UGGT1: variants seen among roughly 807,000 people sequenced by gnomAD.
The protein encoded by UGGT1 is UDP-glucose glycoprotein glucosyltransferase 1.
UGGT1 carries 107 observed loss-of-function variants against 203.9 expected under a neutral mutation model. That is an observed-to-expected ratio of 0.52 (90% CI 0.45 to 0.62). The LOEUF is 0.62. Ranked by LOEUF, UGGT1 falls within the 20% of genes least tolerant of loss-of-function variation. The pLI is 0.00. For synonymous variants in UGGT1, 628 were observed against 653.5 expected (o/e 0.96, Z 0.59); for missense variants, 1,673 against 1,867.2 (o/e 0.90, Z 1.92).
chr2:128,166,698 T>C (rs1222742487), intron 26 of UGGT1, among the ~76,000 whole-genome samples: 2 of 152,224 alleles, frequency 1.3e-5, no homozygotes, highest in Non-Finnish European at 2.9e-5. Context: ...TCTGAGTTGC[T>C]TCCTCATGAT....
At chr2:128,108,311 G>A (rs1400225386) in intron 4 of UGGT1, among the ~76,000 whole-genome samples, 1 of 152,128 alleles carries the variant, frequency 6.6e-6, no homozygotes, top group Non-Finnish European at 1.5e-5. Flanking sequence ...TTTATGCATT[G>A]CAGCCTGGGA....
rs767571617 is a variant in UGGT1, at chr2:128,115,204, T to C, written c.777T>C (p.Asp259=). The C allele has an allele frequency of 6.2e-7, 1 of 1,613,838 alleles. No homozygotes were observed. Among genetic ancestry groups the C allele is most frequent in the East Asian group, 2.2e-5 (1 of 44,878 alleles). The change falls in exon 7 of 41, where the codon GAT becomes GAC. Residue 259 remains aspartate, a synonymous_variant. Transcript: ENST00000259253. ...AGAGCACTGAGTACAAGGCCAAGGA[T>C]GATACTCAGGTGAAAGGTGAATTTG... ...AIKSTEYKAK[D]DTQVKGTEVN... is the part of the protein sequence containing the mutation.
At chr2:128,111,378 C>T (rs1687842113) in intron 5 of UGGT1, among the ~76,000 whole-genome samples, 1 of 152,078 alleles carries the variant, frequency 6.6e-6, no homozygotes, top group South Asian at 2.1e-4. Context: ...GAAACAAAAA[C>T]GTCCATTAGG....
In UGGT1 at chr2:128,123,232, G is replaced by C; in HGVS notation, c.1120G>C (p.Glu374Gln). 1 of 1,613,404 alleles carries C rather than the reference G, an allele frequency of 6.2e-7. No individual in the cohort carries two copies. Among genetic ancestry groups the C allele is most frequent in the Non-Finnish European group, 8.5e-7 (1 of 1,179,568 alleles). Residue 374 changes from glutamate (E) to glutamine (Q), a missense_variant, in exon 11 of 41, where the codon GAA becomes CAA. Around this residue, in one of 4 missense-constraint regions of UGGT1, gnomAD observed 1,073 missense variants for 1,078.7 expected, o/e 0.99. Coordinates refer to ENST00000259253, the MANE Select transcript of UGGT1 (RefSeq NM_020120.4). Reference sequence around the variant, plus strand: ...GAGCTCAGAACTTAGAACCGAAGTGGAAGAGAATCAGAAGGTATTCACCGA... The same window carrying C: ...GAGCTCAGAACTTAGAACCGAAGTGCAAGAGAATCAGAAGGTATTCACCGA... ...AVSSELRTEVEENQKYFKGTL... is the reference protein window; with the variant it reads ...AVSSELRTEVQENQKYFKGTL...
chr2:128,152,732 T>C, intron 18 of UGGT1, 52 bp from the exon 19 acceptor site: 2 of 1,565,538 alleles, frequency 1.3e-6, no homozygotes, highest in Non-Finnish European at 1.7e-6. Context: ...GAATTATTAT[T>C]GCTAAAATTT....
At chr2:128,164,618 T>G in intron 25 of UGGT1, 112 bp from the exon 26 acceptor site, 1 of 852,346 alleles carries the variant, frequency 1.2e-6, no homozygotes, top group Middle Eastern at 2.2e-4. Flanking sequence ...ACTTTATACC[T>G]TGTTCAAACC....
intron 16 of UGGT1, 50 bp downstream of exon 16, chr2:128,138,902 CT>C: frequency 6.2e-7 from 1 of 1,607,406 alleles, no homozygotes; most frequent in Non-Finnish European, 8.5e-7. Context: ...CTAACTTACT[CT>C]TAATAACAAT....
chr2:128,094,925 T>C (rs984206924), intron 1 of UGGT1, among the ~76,000 whole-genome samples: 2 of 152,030 alleles, frequency 1.3e-5, no homozygotes, highest in African/African-American at 2.4e-5. Flanking sequence ...ATTTTTGTAT[T>C]TTTAGTAGAG....
chr2:128,174,768 C>G lies in UGGT1; in HGVS notation c.3454-5C>G. On this transcript the variant is annotated splice_region_variant and splice_polypyrimidine_tract_variant and intron_variant, in intron 30 of 40. Transcript: ENST00000259253. ...GAGCTAACTGGACTTTTCTTCTTGT[C>G]CTAGGGCTACTTTCAGCTGAAAGCC... 1 of 1,612,414 alleles carries G rather than the reference C, an allele frequency of 6.2e-7. No individual in the cohort carries two copies.
chr2:128,158,034 T>G (rs1303408920), intron 22 of UGGT1, among the ~76,000 whole-genome samples: 2 of 152,202 alleles, frequency 1.3e-5, no homozygotes, highest in African/African-American at 4.8e-5. Flanking sequence ...GGTTTCAGTT[T>G]TACTCATATG....
chr2:128,178,020 C>T, intron 33 of UGGT1, 100 bp downstream of exon 33: 1 of 999,388 alleles, frequency 1.0e-6, no homozygotes, highest in South Asian at 1.7e-5. Context: ...CTGGGCCTTT[C>T]ACATTCTACT....
chr2:128,107,841 C>A, intron 3 of UGGT1, 97 bp from the exon 4 acceptor site: 2 of 1,546,644 alleles, frequency 1.3e-6, no homozygotes, highest in Non-Finnish European at 1.8e-6. Flanking sequence ...CTTGCCTTCA[C>A]ATACCTTTGT....
intron 22 of UGGT1, 113 bp downstream of exon 22, chr2:128,157,459 T>A: frequency 1.1e-5 from 8 of 744,948 alleles, no homozygotes; most frequent in Non-Finnish European, 1.8e-5. Flanking sequence ...GCTTTCTTAA[T>A]GCTCGAGGGA....
chr2:128,170,423 T>G, intron 27 of UGGT1, 33 bp downstream of exon 27: 3 of 1,589,548 alleles, frequency 1.9e-6, no homozygotes, highest in Non-Finnish European at 2.6e-6. Context: ...GTACATCACC[T>G]TTGTTTGAAG....
At chr2:128,174,177 T>C (rs1408759431) in intron 30 of UGGT1, among the ~76,000 whole-genome samples, 1 of 152,212 alleles carries the variant, frequency 6.6e-6, no homozygotes, top group Admixed American at 6.5e-5. Context: ...GAAAATAGAT[T>C]GCTCATGAGC....
chr2:128,166,866 G>A (rs1690822024), intron 26 of UGGT1, among the ~76,000 whole-genome samples: 1 of 152,186 alleles, frequency 6.6e-6, no homozygotes, highest in African/African-American at 2.4e-5. Flanking sequence ...TTTCTGAGCT[G>A]ATCAGTCTGG....
intron 23 of UGGT1, among the ~76,000 whole-genome samples, chr2:128,160,113 G>T (rs1373450214): frequency 1.3e-5 from 2 of 151,982 alleles, no homozygotes; most frequent in African/African-American, 4.8e-5. Context: ...ACACAGTTTT[G>T]TAGTTTTTAA....
intron 7 of UGGT1, 22 bp from the exon 8 acceptor site, chr2:128,116,243 T>C: frequency 1.4e-6 from 2 of 1,457,082 alleles, no homozygotes; most frequent in Non-Finnish European, 1.9e-6. Flanking sequence ...ATTAATAATA[T>C]GTATTTTCTA....
At chr2:128,146,761 C>G (rs1255485811) in intron 18 of UGGT1, among the ~76,000 whole-genome samples, 1 of 152,068 alleles carries the variant, frequency 6.6e-6, no homozygotes. Context: ...CCATTTTGTC[C>G]TACTCCCAGC....
Sources: allele counts gnomAD v4.1 joint callset (sites outside exome capture counted in the v4.1 genomes callset), GRCh38; gene constraint gnomAD v4.1.1; regional missense constraint gnomAD v4.1.1; transcripts MANE v1.5; gene names NCBI Gene and HGNC (gene_info 2026-07-23, HGNC 2026-07-21).